ADAMTS2: variants seen among roughly 807,000 people sequenced by gnomAD.
ADAMTS2 encodes A disintegrin and metalloproteinase with thrombospondin motifs 2.
ADAMTS2 carries 50 observed loss-of-function variants against 123.0 expected under a neutral mutation model. That is an observed-to-expected ratio of 0.41 (90% CI 0.32 to 0.51). The LOEUF is 0.51. Among genes scored for constraint, ADAMTS2 ranks in the 20% least tolerant of loss-of-function variants. ADAMTS2 has a pLI of 0.35. For synonymous variants in ADAMTS2, 678 were observed against 695.4 expected, an observed-to-expected ratio of 0.98 and a Z score of 0.39; for missense variants, 1,494 against 1,705.2, an observed-to-expected ratio of 0.88 and a Z score of 2.18.
At chr5:179,160,019 C>T (rs926390924) in intron 5 of ADAMTS2, among the ~76,000 whole-genome samples, 12 of 152,192 alleles carry the variant, frequency 7.9e-5, no homozygotes, top group African/African-American at 2.9e-4. Context: ...CCTCTGAGTC[C>T]TGGGCATGTT....
intron 5 of ADAMTS2, among the ~76,000 whole-genome samples, chr5:179,172,006 AG>A (rs1561788875): frequency 6.6e-6 from 1 of 152,110 alleles, no homozygotes; most frequent in Non-Finnish European, 1.5e-5. Context: ...GCCGGGGGTA[AG>A]CTGGTTCCAT....
At chr5:179,207,479 CGCCCCACCCTG>C in intron 4 of ADAMTS2, 23 bp downstream of exon 4, 23 of 873,186 alleles carry the variant, frequency 2.6e-5, no homozygotes, top group Non-Finnish European at 4.0e-5. Flanking sequence ...TGACCCTCCC[CGCCCCACCCTG>C]CCCCCTCAGC....
At chr5:179,326,243 C>G (rs887695324) in intron 2 of ADAMTS2, among the ~76,000 whole-genome samples, 1 of 151,066 alleles carries the variant, frequency 6.6e-6, no homozygotes, top group Admixed American at 6.6e-5. Flanking sequence ...CACCCCCAGC[C>G]GGGCAGCTGC....
chr5:179,172,516 G>T (rs994563149), intron 5 of ADAMTS2, among the ~76,000 whole-genome samples: 2 of 152,230 alleles, frequency 1.3e-5, no homozygotes, highest in Non-Finnish European at 2.9e-5. Flanking sequence ...TCATGCAGGG[G>T]AGACCACGTA....
Position 179,140,137 on chromosome 5 carries a change from A to G in ADAMTS2, c.1630-102T>C, listed in dbSNP as rs894272745. On this transcript the variant is annotated intron_variant, in intron 10 of 21. Coordinates refer to ENST00000251582, the MANE Select transcript of ADAMTS2 (RefSeq NM_014244.5). Reference sequence around the variant, plus strand: ...AGTGTCTGGGACACGTCCTGGCCCCACTCTGGGGCACAGGGGGAGCTCACC... The same window carrying G: ...AGTGTCTGGGACACGTCCTGGCCCCGCTCTGGGGCACAGGGGGAGCTCACC... 13 of 1,552,044 alleles carry G rather than the reference A, an allele frequency of 8.4e-6. No homozygotes were observed. The African/African-American group carries it at 1.6e-4, about 19-fold the overall frequency.
intron 3 of ADAMTS2, among the ~76,000 whole-genome samples, chr5:179,212,402 G>A (rs1211774743): frequency 1.3e-5 from 2 of 149,932 alleles, no homozygotes; most frequent in African/African-American, 4.9e-5. Flanking sequence ...TCTGTGGGCA[G>A]GTGTGGGCTC....
chr5:179,254,547 A>G (rs1766000913), intron 3 of ADAMTS2, among the ~76,000 whole-genome samples: 1 of 152,206 alleles, frequency 6.6e-6, no homozygotes, highest in Non-Finnish European at 1.5e-5. Context: ...TTAAAAGGTC[A>G]GAGGAAGCAA....
chr5:179,325,928 G>A (rs545302212), intron 2 of ADAMTS2, among the ~76,000 whole-genome samples: 1 of 152,356 alleles, frequency 6.6e-6, no homozygotes, highest in Non-Finnish European at 1.5e-5. Context: ...AGCCGCCTCT[G>A]GGCCACACCC....
In ADAMTS2 at chr5:179,122,754, T is replaced by C. The variant is rs1762786810; in HGVS notation, c.2978A>G (p.Asn993Ser). Residue 993 changes from asparagine (N) to serine (S), a missense_variant, in exon 20 of 22, where the codon AAC (asparagine) becomes AGC (serine). This residue lies in a region of ADAMTS2 where 953 missense variants were observed against 1,124.7 expected (regional missense o/e 0.85). Coordinates refer to ENST00000251582, the MANE Select transcript of ADAMTS2 (RefSeq NM_014244.5). ...GAGCACTGGCCGCTCCTGGGTGCCG[T>C]TGCCACAGGTTACTGAGCACTGCAG... Reference protein sequence around the residue: ...PWSQCSVTCGNGTQERPVLCR... With the variant: ...PWSQCSVTCGSGTQERPVLCR... 6.4e-7 allele frequency: 1 copy of C among 1,554,890 alleles called. No individual in the cohort carries two copies. The highest frequency in any genetic ancestry group is 8.7e-7 in the Non-Finnish European group (1 of 1,149,646).
At position 179,201,666 on chromosome 5, in the gene ADAMTS2, G is replaced by A. The variant is rs374064457; in HGVS notation, c.891+5847C>T. On this transcript the variant is annotated intron_variant, in intron 4 of 21. Transcript: ENST00000251582. ...AAAAAAAAAAAATTAGACGGCCGTGGTGGTGCATGCCTGTAATCCCAGCTA... is the reference window on the plus strand; with the variant it reads ...AAAAAAAAAAAATTAGACGGCCGTGATGGTGCATGCCTGTAATCCCAGCTA... 4.7e-5 allele frequency among the ~76,000 whole-genome samples: 7 copies of A among 150,236 alleles called. No homozygotes were observed. In the South Asian group the frequency reaches 8.4e-4, roughly 18 times the overall value.
chr5:179,207,800 A>C, intron 3 of ADAMTS2, 85 bp from the exon 4 acceptor site: 2 of 1,219,968 alleles, frequency 1.6e-6, no homozygotes, highest in Non-Finnish European at 2.4e-6. Flanking sequence ...CCATCCTCTC[A>C]TTTAAAACTC....
At chr5:179,315,112 ACT>A (rs535013876) in intron 2 of ADAMTS2, among the ~76,000 whole-genome samples, 3 of 111,950 alleles carry the variant, frequency 2.7e-5, no homozygotes, top group Admixed American at 1.2e-4. Context: ...GGCCTCACTC[ACT>A]CTCTCTCTTC....
chr5:179,318,787 G>C (rs1222638493), intron 2 of ADAMTS2, among the ~76,000 whole-genome samples: 1 of 151,644 alleles, frequency 6.6e-6, no homozygotes, highest in Non-Finnish European at 1.5e-5. Flanking sequence ...CTGTTTGAGC[G>C]TTGAGACGTT....
chr5:179,155,175 G>T lies in ADAMTS2; in HGVS notation c.1133-256C>A, dbSNP rs1415825145. ...TTCTGCCTGTAACAGCCACACTGCA[G>T]CTGGGGCCCTCTGCTTAGTCAGATG... is the stretch of plus-strand genomic sequence containing the variant. On this transcript the variant is annotated intron_variant, in intron 6 of 21. Coordinates refer to ENST00000251582, the MANE Select transcript of ADAMTS2 (RefSeq NM_014244.5). This position sits in a 1 kb window ranked among gnomAD's most constrained non-coding sequence, Gnocchi z 5.1. 6.6e-6 allele frequency among the ~76,000 whole-genome samples: 1 copy of T among 152,254 alleles called. No individual in the cohort carries two copies. Among genetic ancestry groups the T allele is most frequent in the Non-Finnish European group, 1.5e-5 (1 of 68,034 alleles).
At chr5:179,211,438 CTGT>C (rs1764847642) in intron 3 of ADAMTS2, among the ~76,000 whole-genome samples, 1 of 152,194 alleles carries the variant, frequency 6.6e-6, no homozygotes, top group Non-Finnish European at 1.5e-5. Context: ...AGGGAGGTGT[CTGT>C]GGCAGGATCC....
At chr5:179,232,193 T>G (rs1765425124) in intron 3 of ADAMTS2, among the ~76,000 whole-genome samples, 1 of 152,212 alleles carries the variant, frequency 6.6e-6, no homozygotes, top group Admixed American at 6.5e-5. Context: ...AAACTCCAGT[T>G]TGCTAAGCCA....
In ADAMTS2 at chr5:179,226,655, G is replaced by A. The variant is rs1046849892; in HGVS notation, c.689-18940C>T. 6.6e-5 allele frequency among the ~76,000 whole-genome samples: 10 copies of A among 152,150 alleles called. 1 individual carries two copies. Among genetic ancestry groups the A allele is most frequent in the South Asian group, 4.1e-4 (2 of 4,828 alleles). On this transcript the variant is annotated intron_variant, in intron 3 of 21. Coordinates refer to ENST00000251582, the MANE Select transcript of ADAMTS2 (RefSeq NM_014244.5). ...TCAGATTGTCCAAATAAAAATGTAC[G>A]GATCAGGGGTACATGCTGAGAGAAA...
At chr5:179,114,944 C>A (rs1318496036) in intron 21 of ADAMTS2, among the ~76,000 whole-genome samples, 1 of 152,204 alleles carries the variant, frequency 6.6e-6, no homozygotes. Flanking sequence ...TCACCCAAAC[C>A]TGCATGGGCT....
intron 6 of ADAMTS2, among the ~76,000 whole-genome samples, chr5:179,157,959 GT>G: frequency 6.6e-6 from 1 of 151,276 alleles, no homozygotes; most frequent in Admixed American, 6.6e-5. Context: ...GGTTTGTTTG[GT>G]TTTTTTTGTC....
Sources: gnomAD v4.1 joint callset for allele counts (sites outside exome capture counted in the v4.1 genomes callset) on GRCh38, gnomAD v4.1.1 for gene constraint, gnomAD v4.1.1 regional missense constraint, Gnocchi (gnomAD v3.1) non-coding constraint, MANE v1.5 for transcripts, NCBI Gene and HGNC (gene_info 2026-07-23, HGNC 2026-07-21) for gene names.